LAMP3: variants seen among roughly 807,000 people sequenced by gnomAD.
The protein encoded by LAMP3 is lysosome-associated membrane glycoprotein 3.
LAMP3 carries 26 observed loss-of-function variants against 34.8 expected under a neutral mutation model. The observed-to-expected ratio is 0.75, with a 90% CI of 0.55 to 1.04. The LOEUF is 1.04. LAMP3 is among the 50% of genes least tolerant of loss of function. The pLI is 0.00. For synonymous variants in LAMP3, 180 were observed against 201.9 expected, an observed-to-expected ratio of 0.89 and a Z score of 0.92; for missense variants, 495 against 524.0, an observed-to-expected ratio of 0.94 and a Z score of 0.54.
At chr3:183,124,316 C>T in intron 5 of LAMP3, 102 bp from the exon 6 acceptor site, 4 of 1,100,338 alleles carry the variant, frequency 3.6e-6, no homozygotes, top group Non-Finnish European at 4.9e-6. Flanking sequence ...TCAAACAAAG[C>T]TTGACTTTTA....
intron 3 of LAMP3, among the ~76,000 whole-genome samples, chr3:183,144,317 C>T (rs939627612): frequency 4.6e-5 from 7 of 152,078 alleles, no homozygotes; most frequent in African/African-American, 7.2e-5. Flanking sequence ...AGAGAAGAGA[C>T]GTGAAGGAGC....
intron 2 of LAMP3, among the ~76,000 whole-genome samples, chr3:183,153,320 G>T (rs1160114054): frequency 6.6e-6 from 1 of 151,968 alleles, no homozygotes; most frequent in African/African-American, 2.4e-5. Flanking sequence ...GAGACCATCT[G>T]ACTTAAATCT....
chr3:183,162,879 G>A (rs1410346741), upstream of LAMP3: 5 of 525,920 alleles, frequency 9.5e-6, no homozygotes, highest in Non-Finnish European at 1.6e-5. Context: ...CCGGGGCCCG[G>A]GCCTCTGGGA....
upstream of LAMP3, chr3:183,163,634 A>G (rs77814004): frequency 0.11 from 16,223 of 152,524 alleles, 950 homozygotes; most frequent in Middle Eastern, 0.16. Flanking sequence ...CTGGGAACCC[A>G]GAGACGCTTC....
intron 5 of LAMP3, among the ~76,000 whole-genome samples, chr3:183,134,023 T>A (rs1560305006): frequency 6.6e-6 from 1 of 152,228 alleles, no homozygotes; most frequent in Non-Finnish European, 1.5e-5. Context: ...TTAAACACCA[T>A]ATAGTATGGT....
At chr3:183,153,460 G>T (rs6414499) in intron 2 of LAMP3, among the ~76,000 whole-genome samples, 134,492 of 152,188 alleles carry the variant, frequency 0.88, 59,491 homozygotes, top group Middle Eastern at 0.92. Flanking sequence ...AATATTTAAA[G>T]TTTTGTTTGC....
chr3:183,131,227 T>C (rs1189482342), intron 5 of LAMP3, among the ~76,000 whole-genome samples: 1 of 152,208 alleles, frequency 6.6e-6, no homozygotes, highest in Middle Eastern at 3.2e-3. Context: ...CCTCTATACT[T>C]GATTTTAAAT....
intron 3 of LAMP3, among the ~76,000 whole-genome samples, chr3:183,143,391 G>A (rs1720345735): frequency 6.6e-6 from 1 of 152,206 alleles, no homozygotes; most frequent in South Asian, 2.1e-4. Context: ...GGGTTGACAA[G>A]GAATGAGGCT....
intron 1 of LAMP3, among the ~76,000 whole-genome samples, chr3:183,156,687 C>T (rs1202886839): frequency 6.6e-6 from 1 of 152,228 alleles, no homozygotes. Context: ...ACACTTACTA[C>T]ATAGAAGGCC....
chr3:183,131,966 G>C, intron 5 of LAMP3: 1 of 985,376 alleles, frequency 1.0e-6, no homozygotes, highest in Non-Finnish European at 1.2e-6. Context: ...AGGGAAGTGA[G>C]TGATCCTCCA....
chr3:183,124,063 A>T lies in LAMP3; in HGVS notation c.*18T>A. On this transcript the variant is annotated 3_prime_UTR_variant, in exon 6 of 6. Coordinates refer to ENST00000265598, the MANE Select transcript of LAMP3 (RefSeq NM_014398.4). ...GAGTTCTCTAAATTCCATTATTTTC[A>T]TTCCCCCCGGGCAACAATTAGATTC... is the stretch of plus-strand genomic sequence containing the variant. 1 of 1,613,790 alleles carries T rather than the reference A, an allele frequency of 6.2e-7. No individual in the cohort carries two copies. Among genetic ancestry groups the T allele is most frequent in the Non-Finnish European group, 8.5e-7 (1 of 1,179,820 alleles).
intron 1 of LAMP3, among the ~76,000 whole-genome samples, chr3:183,156,524 G>A (rs2108614003): frequency 6.6e-6 from 1 of 152,150 alleles, no homozygotes; most frequent in East Asian, 1.9e-4. Flanking sequence ...AAAGGGAAAG[G>A]AGATCACGCT....
At chr3:183,154,472 T>C (rs1720769123) in intron 1 of LAMP3, 81 bp from the exon 2 acceptor site, 2 of 1,110,894 alleles carry the variant, frequency 1.8e-6, no homozygotes, top group Admixed American at 2.5e-5. Flanking sequence ...TCTTAATGTC[T>C]GTTCATAAAA....
intron 5 of LAMP3, among the ~76,000 whole-genome samples, chr3:183,134,742 A>G (rs541850763): frequency 6.6e-6 from 1 of 152,340 alleles, no homozygotes; most frequent in African/African-American, 2.4e-5. Flanking sequence ...TCTGCTACAC[A>G]CATCTGCAAT....
At chr3:183,137,907 C>T (rs1258483825) in intron 4 of LAMP3, among the ~76,000 whole-genome samples, 1 of 151,704 alleles carries the variant, frequency 6.6e-6, no homozygotes, top group Admixed American at 6.6e-5. Context: ...GCAACCTCTG[C>T]CTCCCGGGTT....
chr3:183,152,201 G>T (rs1228603722), intron 3 of LAMP3, among the ~76,000 whole-genome samples, 174 bp downstream of exon 3: 4 of 152,162 alleles, frequency 2.6e-5, no homozygotes, highest in Admixed American at 2.6e-4. Flanking sequence ...GGAGGCTGAA[G>T]GGGGAAGAAG....
At chr3:183,157,808 G>A (rs1194671800) in intron 1 of LAMP3, among the ~76,000 whole-genome samples, 2 of 152,120 alleles carry the variant, frequency 1.3e-5, no homozygotes, top group South Asian at 4.2e-4. Flanking sequence ...GGTAATGAAT[G>A]AACTCAAATA....
intron 5 of LAMP3, among the ~76,000 whole-genome samples, chr3:183,134,912 T>A (rs1321739585): frequency 6.6e-6 from 1 of 152,274 alleles, no homozygotes; most frequent in Non-Finnish European, 1.5e-5. Flanking sequence ...ATGACCCTCC[T>A]GGTCATATGT....
intron 2 of LAMP3, 34 bp downstream of exon 2, chr3:183,153,648 A>T (rs1409431936): frequency 7.0e-7 from 1 of 1,424,768 alleles, no homozygotes; most frequent in African/African-American, 1.4e-5. Context: ...AGACTTTTTG[A>T]AGATAGTGTT....
Sources: gnomAD v4.1 joint callset for allele counts (sites outside exome capture counted in the v4.1 genomes callset) on GRCh38, gnomAD v4.1.1 for gene constraint, MANE v1.5 for transcripts, NCBI Gene and HGNC (gene_info 2026-07-23, HGNC 2026-07-21) for gene names.